BNC2: variants seen among roughly 807,000 people sequenced by gnomAD.
BNC2 encodes basonuclin zinc finger protein 2, also known as zinc finger protein basonuclin-2.
BNC2 carries 20 observed loss-of-function variants against 76.3 expected under a neutral mutation model. The ratio of observed to expected loss-of-function variants is 0.26; its 90% CI spans 0.18 to 0.38. The LOEUF (loss-of-function observed/expected upper bound fraction) is 0.38. Ranked by LOEUF, BNC2 falls within the 10% of genes least tolerant of loss-of-function variation. BNC2 has a pLI of 1.00. For missense variants in BNC2, 1,382 were observed against 1,399.8 expected (o/e 0.99, Z 0.20); for synonymous variants, 582 against 514.8 (o/e 1.13, Z -1.77).
chr9:16,694,920 G>A (rs1002063062), intron 3 of BNC2, among the ~76,000 whole-genome samples: 1 of 152,124 alleles, frequency 6.6e-6, no homozygotes, highest in African/African-American at 2.4e-5. Flanking sequence ...TGAGAACTAG[G>A]GGAGATGAAA....
At position 16,411,554 on chromosome 9, in the gene BNC2, G is replaced by T. The variant is rs1468959487; in HGVS notation, c.*7435C>A. 2 of 152,610 alleles carry T rather than the reference G, an allele frequency of 1.3e-5. No homozygotes were observed. Among genetic ancestry groups the T allele is most frequent in the Non-Finnish European group, 2.9e-5 (2 of 68,044 alleles). The allele number at this position is 152,610 out of a possible 1,614,324, so 9.5% of individuals were successfully genotyped here. ...GGTTTTTCAATTAGGATTCTATTAA[G>T]ATGTCTGATAAACGATTGTAACATA... is the stretch of plus-strand genomic sequence containing the variant. On this transcript the variant is annotated 3_prime_UTR_variant, in exon 7 of 7. Coordinates refer to ENST00000380672, the MANE Select transcript of BNC2 (RefSeq NM_017637.6).
chr9:16,564,131 G>A (rs1173989422), intron 4 of BNC2, among the ~76,000 whole-genome samples: 4 of 152,148 alleles, frequency 2.6e-5, no homozygotes, highest in African/African-American at 9.7e-5. Flanking sequence ...TGTTTCCAGT[G>A]TTTTTAAAAG....
At chr9:16,690,508 C>T (rs180858291) in intron 3 of BNC2, among the ~76,000 whole-genome samples, 5 of 152,038 alleles carry the variant, frequency 3.3e-5, no homozygotes, top group African/African-American at 1.2e-4. Context: ...TATTTATTAT[C>T]CAGCCTGAGT....
chr9:16,853,358 A>G (rs538395782), intron 1 of BNC2, among the ~76,000 whole-genome samples: 1 of 150,936 alleles, frequency 6.6e-6, no homozygotes, highest in African/African-American at 2.4e-5. Flanking sequence ...GTGAGCCATG[A>G]TCATGCCACT....
intron 4 of BNC2, among the ~76,000 whole-genome samples, chr9:16,576,075 C>T (rs1054356693): frequency 1.3e-5 from 2 of 152,146 alleles, no homozygotes; most frequent in Non-Finnish European, 2.9e-5. Flanking sequence ...CTTACTTTGC[C>T]ACTGCTAAGC....
chr9:16,797,049 C>T (rs116449108), intron 1 of BNC2, among the ~76,000 whole-genome samples: 2,836 of 152,216 alleles, frequency 0.019, 46 homozygotes, highest in East Asian at 0.069. Flanking sequence ...TAAAGTGCAA[C>T]AGGAATGATA....
At position 16,419,479 on chromosome 9, in the gene BNC2, G is replaced by C. The variant is rs754893610; in HGVS notation, c.2810C>G (p.Ser937Cys). 1 of 1,614,136 alleles carries C rather than the reference G, an allele frequency of 6.2e-7. No individual in the cohort carries two copies. Among genetic ancestry groups the C allele is most frequent in the East Asian group, 2.2e-5 (1 of 44,854 alleles). ...MGLDVREDAS[S>C]PAGTEDSHLN... is the part of the protein sequence containing the mutation. Reference sequence around the variant, plus strand: ...GTGGGAGTCTTCAGTCCCTGCGGGAGAGGAGGCGTCTTCCCTGACATCGAG... The same window carrying C: ...GTGGGAGTCTTCAGTCCCTGCGGGACAGGAGGCGTCTTCCCTGACATCGAG... Residue 937 changes from serine to cysteine, a missense_variant, in exon 7 of 7, where the codon TCT becomes TGT. By Grantham distance (112) the Ser-to-Cys change is moderately radical. Coordinates refer to ENST00000380672, the MANE Select transcript of BNC2 (RefSeq NM_017637.6).
In BNC2 at chr9:16,413,089, G is replaced by C. The variant is rs542880119; in HGVS notation, c.*5900C>G. On this transcript the variant is annotated 3_prime_UTR_variant, in exon 7 of 7. Coordinates refer to ENST00000380672, the MANE Select transcript of BNC2 (RefSeq NM_017637.6). ...AGATACGAGGTGAAATTGAACTGAAGCTTCTTGCTGCTCAGCCCTGGCTTT... is the reference window on the plus strand; with the variant it reads ...AGATACGAGGTGAAATTGAACTGAACCTTCTTGCTGCTCAGCCCTGGCTTT... 1 of 152,696 alleles carries C rather than the reference G, an allele frequency of 6.5e-6. No individual in the cohort carries two copies. The highest frequency in any genetic ancestry group is 1.9e-4 in the East Asian group (1 of 5,180). The allele number at this position is 152,696 out of a possible 1,614,324, so 9.5% of individuals were successfully genotyped here.
intron 5 of BNC2, among the ~76,000 whole-genome samples, chr9:16,462,969 C>T (rs2382805): frequency 0.052 from 7,849 of 152,146 alleles, 680 homozygotes; most frequent in African/African-American, 0.18. Context: ...TCTCCAGAAC[C>T]GACCATTTCT....
chr9:16,782,376 A>G (rs947897693), intron 1 of BNC2, among the ~76,000 whole-genome samples: 4 of 152,154 alleles, frequency 2.6e-5, no homozygotes, highest in Non-Finnish European at 5.9e-5. Flanking sequence ...TAAGAAATCA[A>G]TAAGTTTGTA....
intron 3 of BNC2, among the ~76,000 whole-genome samples, chr9:16,707,216 A>G (rs973279002): frequency 5.3e-5 from 8 of 150,264 alleles, no homozygotes; most frequent in Non-Finnish European, 1.2e-4. Flanking sequence ...CCAAAAAAAA[A>G]CAACAGCAAT....
At chr9:16,419,685 G>T (rs564621121) in intron 6 of BNC2, 36 bp from the exon 7 acceptor site, 3 of 425,876 alleles carry the variant, frequency 7.0e-6, no homozygotes, top group East Asian at 6.9e-5. Flanking sequence ...GTACGTGGAT[G>T]GGGGGTGGGG....
In BNC2 at chr9:16,814,575, A is replaced by T. The variant is rs746945864; in HGVS notation, c.3+56071T>A. Among the ~76,000 whole-genome samples the T allele has an allele frequency of 9.8e-5, 15 of 152,348 alleles. No homozygotes were observed. In the South Asian group the frequency reaches 1.2e-3, roughly 13 times the overall value. On this transcript the variant is annotated intron_variant, in intron 1 of 6. Coordinates refer to ENST00000380672, the MANE Select transcript of BNC2 (RefSeq NM_017637.6). ...AAACCCAAACAAAGAGATCACAGTT[A>T]AACTACCTTTGGAAGTGTCCTCAGT...
intron 1 of BNC2, among the ~76,000 whole-genome samples, chr9:16,841,306 A>T (rs765407982): frequency 9.2e-5 from 14 of 152,182 alleles, no homozygotes; most frequent in Non-Finnish European, 1.8e-4. Flanking sequence ...GGCTTAAAGA[A>T]ATTCTGTCCC....
At chr9:16,763,817 G>A (rs924252982) in intron 1 of BNC2, among the ~76,000 whole-genome samples, 4 of 152,086 alleles carry the variant, frequency 2.6e-5, no homozygotes, top group Non-Finnish European at 5.9e-5. Context: ...GAATGCTCAA[G>A]TACCATGTCA....
At chr9:16,433,138 C>G (rs77566035) in intron 6 of BNC2, among the ~76,000 whole-genome samples, 3,030 of 152,250 alleles carry the variant, frequency 0.02, 82 homozygotes, top group African/African-American at 0.06. Context: ...TATATTAATT[C>G]AAGTCATAGA....
intron 1 of BNC2, among the ~76,000 whole-genome samples, chr9:16,775,034 G>T (rs1415389399): frequency 6.6e-6 from 1 of 152,094 alleles, no homozygotes; most frequent in East Asian, 1.9e-4. Flanking sequence ...ATTATTTCTA[G>T]GTTCCTTTAG....
chr9:16,525,990 A>G (rs1817788080), intron 5 of BNC2, among the ~76,000 whole-genome samples: 1 of 152,054 alleles, frequency 6.6e-6, no homozygotes, highest in South Asian at 2.1e-4. Flanking sequence ...ATGACTAAAT[A>G]CTTTTTGTTT....
intron 3 of BNC2, among the ~76,000 whole-genome samples, chr9:16,725,292 C>A (rs1402403422): frequency 1.3e-5 from 2 of 151,042 alleles, no homozygotes; most frequent in Non-Finnish European, 3.0e-5. Context: ...GTAAGAAAAA[C>A]AAACATATTA....
Sources: allele counts gnomAD v4.1 joint callset (sites outside exome capture counted in the v4.1 genomes callset), GRCh38; gene constraint gnomAD v4.1.1; transcripts MANE v1.5; gene names NCBI Gene and HGNC (gene_info 2026-07-23, HGNC 2026-07-21).